The following SLC8A3 variants were observed in gnomAD, a reference collection of about 807,000 sequenced individuals.
SLC8A3 encodes the protein sodium/calcium exchanger 3.
In SLC8A3, 37 loss-of-function variants were observed where a neutral mutation model predicts 65.4. That is an observed-to-expected ratio of 0.57 (90% CI 0.44 to 0.74). The LOEUF is 0.74. SLC8A3 is among the 30% of genes least tolerant of loss of function. SLC8A3 has a pLI of 0.00. For synonymous variants in SLC8A3, 461 were observed against 444.5 expected (o/e 1.04, Z -0.47); for missense variants, 1,112 against 1,172.1 (o/e 0.95, Z 0.75).
rs1897229249 is a variant in SLC8A3 at position 70,167,246 on chromosome 14, C to T, written c.1177G>A (p.Asp393Asn). The change falls in exon 2 of 7, where the codon GAC becomes AAC. Residue 393 changes from aspartate (D) to asparagine (N), a missense_variant. Transcript: ENST00000356921. ...MSEVHTDEPE[D>N]FISKVFFDPC... ...TCAAAGAAGACCTTGGAAATAAAGT[C>T]CTCAGGCTCATCGGTGTGCACCTCG... is the stretch of plus-strand genomic sequence containing the variant. 1.2e-6 allele frequency: 2 copies of T among 1,614,042 alleles called. No homozygotes were observed. The highest frequency in any genetic ancestry group is 2.7e-5 in the African/African-American group (2 of 74,910).
intron 2 of SLC8A3, among the ~76,000 whole-genome samples, chr14:70,146,493 C>T (rs1226366202): frequency 6.6e-6 from 1 of 152,146 alleles, no homozygotes; most frequent in African/African-American, 2.4e-5. Context: ...GGAAGCAGAG[C>T]TCTTGCTCCT....
chr14:70,089,010 A>G (rs1384581348), intron 2 of SLC8A3, among the ~76,000 whole-genome samples: 1 of 152,144 alleles, frequency 6.6e-6, no homozygotes, highest in Non-Finnish European at 1.5e-5. Flanking sequence ...CCTGATTTGT[A>G]CCCACTCAAC....
intron 6 of SLC8A3, chr14:70,048,255 A>G: frequency 4.5e-6 from 1 of 221,784 alleles, no homozygotes; most frequent in Non-Finnish European, 8.9e-6. Context: ...GAGGAGGCCA[A>G]GAATGTATGT....
chr14:70,112,968 T>C (rs1893408394), intron 2 of SLC8A3, among the ~76,000 whole-genome samples: 1 of 152,252 alleles, frequency 6.6e-6, no homozygotes, highest in Non-Finnish European at 1.5e-5. Flanking sequence ...TCATCTTAAC[T>C]TACTACATTT....
intron 2 of SLC8A3, among the ~76,000 whole-genome samples, chr14:70,134,196 T>C (rs1446160118): frequency 1.3e-5 from 2 of 152,224 alleles, no homozygotes; most frequent in Non-Finnish European, 1.5e-5. Flanking sequence ...TCCTGTATGC[T>C]ACTCTGTCTC....
At chr14:70,153,368 T>C (rs2140313411) in intron 2 of SLC8A3, among the ~76,000 whole-genome samples, 1 of 152,298 alleles carries the variant, frequency 6.6e-6, no homozygotes, top group South Asian at 2.1e-4. Flanking sequence ...TGAGGCCACC[T>C]TATACTTCCA....
intron 2 of SLC8A3, among the ~76,000 whole-genome samples, chr14:70,100,833 T>C (rs1418871206): frequency 6.6e-6 from 1 of 152,264 alleles, no homozygotes; most frequent in African/African-American, 2.4e-5. Context: ...GTTCTAGCTG[T>C]ATTTCTGCCT....
intron 2 of SLC8A3, among the ~76,000 whole-genome samples, chr14:70,136,957 C>CT (rs1278972992): frequency 6.6e-6 from 1 of 152,162 alleles, no homozygotes; most frequent in African/African-American, 2.4e-5. Context: ...TTATATCTCT[C>CT]TTTATTGAAT....
At chr14:70,163,590 C>T (rs1276335684) in intron 2 of SLC8A3, among the ~76,000 whole-genome samples, 13 of 152,170 alleles carry the variant, frequency 8.5e-5, no homozygotes, top group Admixed American at 8.5e-4. Flanking sequence ...TTTCGGTTTC[C>T]AGACTGGTGT....
chr14:70,161,288 CAAAAAAAAAAAAA>C (rs5809474), intron 2 of SLC8A3, among the ~76,000 whole-genome samples: 12 of 33,292 alleles, frequency 3.6e-4, no homozygotes, highest in Admixed American at 1.3e-3. Context: ...GACTCCATCT[CAAAAAAAAAAAAA>C]AAAAAAAAAA....
Position 70,162,142 on chromosome 14 carries a change from C to T in SLC8A3, c.1784+4497G>A, listed in dbSNP as rs74062820. On this transcript the variant is annotated intron_variant, in intron 2 of 6. Coordinates refer to ENST00000356921, the MANE Select transcript of SLC8A3 (RefSeq NM_182932.3). ...TAAGACATTAGTCACATAATACTCCCGGACTCACACTTCCAGAGCATCTTT... is the reference window on the plus strand; with the variant it reads ...TAAGACATTAGTCACATAATACTCCTGGACTCACACTTCCAGAGCATCTTT... Among the ~76,000 whole-genome samples the T allele has an allele frequency of 9.4e-3, 1,426 of 152,270 alleles. 20 individuals are homozygous for T. Among genetic ancestry groups the T allele is most frequent in the African/African-American group, 0.031 (1,307 of 41,542 alleles).
intron 2 of SLC8A3, among the ~76,000 whole-genome samples, chr14:70,094,072 C>T (rs765733765): frequency 6.6e-6 from 1 of 152,238 alleles, no homozygotes; most frequent in Non-Finnish European, 1.5e-5. Flanking sequence ...CTAGTTCTGA[C>T]TCTGTTTCCT....
intron 1 of SLC8A3, among the ~76,000 whole-genome samples, chr14:70,181,745 C>T (rs1882770132): frequency 6.6e-6 from 1 of 151,944 alleles, no homozygotes; most frequent in Non-Finnish European, 1.5e-5. Flanking sequence ...CAAGGAACTG[C>T]AAAAAATGGA....
intron 2 of SLC8A3, among the ~76,000 whole-genome samples, chr14:70,079,007 A>G (rs1197431026): frequency 5.9e-5 from 9 of 152,164 alleles, no homozygotes; most frequent in Non-Finnish European, 1.3e-4. Flanking sequence ...CAGGCAAGTG[A>G]TATTCTTCTG....
At chr14:70,137,034 C>T (rs1450473400) in intron 2 of SLC8A3, among the ~76,000 whole-genome samples, 1 of 152,164 alleles carries the variant, frequency 6.6e-6, no homozygotes, top group African/African-American at 2.4e-5. Context: ...GTAGGTAATA[C>T]TATACCTCAT....
intron 2 of SLC8A3, among the ~76,000 whole-genome samples, chr14:70,077,214 C>G (rs1014518861): frequency 6.6e-6 from 1 of 152,098 alleles, no homozygotes; most frequent in Non-Finnish European, 1.5e-5. Flanking sequence ...GGTTTGGAAC[C>G]AGGTAGGGTG....
intron 3 of SLC8A3, among the ~76,000 whole-genome samples, chr14:70,053,230 A>G (rs1887699781): frequency 6.6e-6 from 1 of 152,174 alleles, no homozygotes; most frequent in African/African-American, 2.4e-5. Flanking sequence ...ACTTTTGGAA[A>G]CAATGTTTTC....
At chr14:70,145,739 A>G (rs1895883938) in intron 2 of SLC8A3, among the ~76,000 whole-genome samples, 1 of 152,072 alleles carries the variant, frequency 6.6e-6, no homozygotes, top group African/African-American at 2.4e-5. Flanking sequence ...GCCCCAGAAA[A>G]CCATCCCAAC....
chr14:70,137,902 A>G (rs997208485), intron 2 of SLC8A3, among the ~76,000 whole-genome samples: 1 of 151,288 alleles, frequency 6.6e-6, no homozygotes, highest in Non-Finnish European at 1.5e-5. Flanking sequence ...ATGACTTAGC[A>G]TGGCTTGTCC....
Sources: allele counts gnomAD v4.1 joint callset (sites outside exome capture counted in the v4.1 genomes callset), GRCh38; gene constraint gnomAD v4.1.1; transcripts MANE v1.5; gene names NCBI Gene and HGNC (gene_info 2026-07-23, HGNC 2026-07-21).